Variants in ATF7 observed in about 807,000 individuals in gnomAD.
ATF7 encodes activating transcription factor 7, also known as cyclic AMP-dependent transcription factor ATF-7.
A neutral mutation model predicts 50.4 loss-of-function variants in ATF7; 10 were observed. That is an observed-to-expected ratio of 0.20 (90% CI 0.12 to 0.34). The LOEUF (loss-of-function observed/expected upper bound fraction) is 0.34. ATF7 is among the 10% of genes least tolerant of loss of function. The pLI, the probability that ATF7 is intolerant of heterozygous loss-of-function variation, is 1.00. For synonymous variants in ATF7, 201 were observed against 226.4 expected, an observed-to-expected ratio of 0.89 and a Z score of 1.01; for missense variants, 465 against 613.9, an observed-to-expected ratio of 0.76 and a Z score of 2.56.
chr12:53,568,862 G>C (rs936817670), intron 2 of ATF7, among the ~76,000 whole-genome samples: 1 of 152,162 alleles, frequency 6.6e-6, no homozygotes, highest in African/African-American at 2.4e-5. Context: ...GGCAGGTAGG[G>C]GCAAAGAATG....
intron 2 of ATF7, among the ~76,000 whole-genome samples, chr12:53,598,287 A>G (rs998108901): frequency 6.6e-6 from 1 of 152,224 alleles, no homozygotes; most frequent in Admixed American, 6.5e-5. Flanking sequence ...TCACCTGACC[A>G]TAAAGTTTTG....
chr12:53,618,395 G>A (rs1944230913), intron 1 of ATF7, among the ~76,000 whole-genome samples: 1 of 152,118 alleles, frequency 6.6e-6, no homozygotes, highest in Admixed American at 6.5e-5. Context: ...CTGCCTAGTA[G>A]CATGCTAATT....
chr12:53,551,561 T>C (rs1940353988), intron 3 of ATF7, among the ~76,000 whole-genome samples: 1 of 152,204 alleles, frequency 6.6e-6, no homozygotes. Flanking sequence ...ATGTGCCTGG[T>C]GTATACAGTA....
chr12:53,601,799 T>C (rs1327956202), intron 1 of ATF7, among the ~76,000 whole-genome samples: 3 of 152,236 alleles, frequency 2.0e-5, no homozygotes, highest in Non-Finnish European at 4.4e-5. Flanking sequence ...GCTGCTCTGT[T>C]GCAGCCAACA....
intron 1 of ATF7, among the ~76,000 whole-genome samples, chr12:53,621,314 C>T (rs1196658043): frequency 1.3e-5 from 2 of 152,086 alleles, no homozygotes; most frequent in Middle Eastern, 3.2e-3. Flanking sequence ...TTGTTCTACC[C>T]TTATACATGT....
chr12:53,564,887 T>G (rs1430056049), intron 2 of ATF7, among the ~76,000 whole-genome samples: 1 of 151,478 alleles, frequency 6.6e-6, no homozygotes, highest in Non-Finnish European at 1.5e-5. Flanking sequence ...TTTTGGCGAT[T>G]TTTTTTTTGT....
chr12:53,553,378 A>AT (rs565785995), intron 2 of ATF7, among the ~76,000 whole-genome samples: 2 of 152,174 alleles, frequency 1.3e-5, no homozygotes, highest in African/African-American at 2.4e-5. Flanking sequence ...AGGAAAAAAT[A>AT]TTTTTTTAGG....
intron 4 of ATF7, among the ~76,000 whole-genome samples, chr12:53,539,710 G>C (rs2137418481): frequency 6.6e-6 from 1 of 150,618 alleles, no homozygotes; most frequent in East Asian, 2.0e-4. Flanking sequence ...ATGAATGAAT[G>C]AATGAATGAA....
chr12:53,606,375 A>G (rs1336867448), intron 1 of ATF7, among the ~76,000 whole-genome samples: 1 of 152,082 alleles, frequency 6.6e-6, no homozygotes, highest in East Asian at 1.9e-4. Context: ...CAGCCTCCCA[A>G]GTAGCTGAGA....
At chr12:53,611,731 C>T (rs940505821) in intron 1 of ATF7, among the ~76,000 whole-genome samples, 1 of 152,078 alleles carries the variant, frequency 6.6e-6, no homozygotes, top group Admixed American at 6.5e-5. Flanking sequence ...GCTGAGATTA[C>T]AGGCATGTGC....
intron 2 of ATF7, among the ~76,000 whole-genome samples, chr12:53,555,526 G>A (rs1409544023): frequency 3.5e-5 from 4 of 113,994 alleles, no homozygotes; most frequent in African/African-American, 1.0e-4. Context: ...TTTGTGAGAC[G>A]GAGTCTCGCT....
chr12:53,515,102 G>C lies in ATF7; in HGVS notation c.*2035C>G, dbSNP rs947756696. 10 of 152,210 alleles carry C rather than the reference G, an allele frequency of 6.6e-5. No homozygotes were observed. The highest frequency in any genetic ancestry group is 1.2e-4 in the Non-Finnish European group (8 of 68,060). The allele number at this position is 152,210 out of a possible 1,614,324, so 9.4% of individuals were successfully genotyped here. Reference sequence around the variant, plus strand: ...ATTTGCTAGTCTGAATCACTTCAGGGCCTATTCCTGTTGGGTACCTGATGG... The same window carrying C: ...ATTTGCTAGTCTGAATCACTTCAGGCCCTATTCCTGTTGGGTACCTGATGG... On this transcript the variant is annotated 3_prime_UTR_variant, in exon 12 of 12. Transcript: ENST00000420353.
intron 5 of ATF7, 51 bp downstream of exon 5, chr12:53,537,364 A>T: frequency 6.2e-7 from 1 of 1,603,710 alleles, no homozygotes; most frequent in Non-Finnish European, 8.5e-7. Flanking sequence ...TAATTAATGA[A>T]TCAAAACTTT....
chr12:53,620,508 G>T (rs1178320793), intron 1 of ATF7, among the ~76,000 whole-genome samples: 3 of 147,958 alleles, frequency 2.0e-5, no homozygotes, highest in Admixed American at 6.7e-5. Flanking sequence ...CCCGGGAGGC[G>T]GAGCTTGCAG....
At chr12:53,555,026 C>T (rs1383964594) in intron 2 of ATF7, among the ~76,000 whole-genome samples, 1 of 151,800 alleles carries the variant, frequency 6.6e-6, no homozygotes, top group Non-Finnish European at 1.5e-5. Flanking sequence ...CAGATGTTTC[C>T]GTAAGAAAAA....
chr12:53,623,431 A>G (rs1944483124), intron 1 of ATF7, among the ~76,000 whole-genome samples: 1 of 152,242 alleles, frequency 6.6e-6, no homozygotes, highest in Non-Finnish European at 1.5e-5. Context: ...ATTTTCTGAG[A>G]AACCAACAAC....
intron 1 of ATF7, among the ~76,000 whole-genome samples, chr12:53,610,059 C>T (rs1256480987): frequency 1.3e-5 from 2 of 151,546 alleles, no homozygotes; most frequent in African/African-American, 2.4e-5. Flanking sequence ...TCAAGTGATC[C>T]GCCCGCCTCG....
downstream of ATF7, among the ~76,000 whole-genome samples, chr12:53,510,991 C>T (rs1944116737): frequency 6.6e-6 from 1 of 152,206 alleles, no homozygotes; most frequent in Non-Finnish European, 1.5e-5. Context: ...TTCCTGCTCT[C>T]CTCAGGAGGC....
intron 2 of ATF7, among the ~76,000 whole-genome samples, chr12:53,583,794 C>T (rs934270639): frequency 6.6e-6 from 1 of 152,076 alleles, no homozygotes; most frequent in Non-Finnish European, 1.5e-5. Flanking sequence ...GTAAAAGATA[C>T]ACCTGATAAA....
Sources: allele counts gnomAD v4.1 joint callset (sites outside exome capture counted in the v4.1 genomes callset), GRCh38; gene constraint gnomAD v4.1.1; transcripts MANE v1.5; gene names NCBI Gene and HGNC (gene_info 2026-07-23, HGNC 2026-07-21).